EIPR1: variants seen among roughly 807,000 people sequenced by gnomAD.
EIPR1 encodes the protein EARP complex and GARP complex interacting protein 1, also known as EARP and GARP complex-interacting protein 1.
Under a neutral mutation model 48.1 loss-of-function variants are expected in EIPR1, and 25 were observed. The ratio of observed to expected loss-of-function variants is 0.52; its 90% CI spans 0.38 to 0.73. The LOEUF is 0.73. Ranked by LOEUF, EIPR1 falls within the 30% of genes least tolerant of loss-of-function variation. EIPR1 has a pLI of 0.00. For missense variants in EIPR1, 415 were observed against 506.2 expected (o/e 0.82, Z 1.73); for synonymous variants, 204 against 201.9 (o/e 1.01, Z -0.09).
At chr2:3,327,658 C>G (rs1384461550) in intron 3 of EIPR1, among the ~76,000 whole-genome samples, 1 of 152,136 alleles carries the variant, frequency 6.6e-6, no homozygotes, top group Non-Finnish European at 1.5e-5. Context: ...TAGTGAAAAT[C>G]CCAAATATGA....
intron 3 of EIPR1, among the ~76,000 whole-genome samples, chr2:3,265,851 T>C (rs955224000): frequency 6.6e-6 from 1 of 152,220 alleles, no homozygotes. Context: ...CTTTTCCAAG[T>C]TCAAACAGCT....
intron 5 of EIPR1, among the ~76,000 whole-genome samples, chr2:3,203,308 T>G (rs545159779): frequency 6.6e-6 from 1 of 152,362 alleles, no homozygotes; most frequent in African/African-American, 2.4e-5. Flanking sequence ...TTCATGAGGC[T>G]TAGGAACTGC....
chr2:3,303,169 G>C (rs1484620797), intron 3 of EIPR1, among the ~76,000 whole-genome samples: 1 of 152,210 alleles, frequency 6.6e-6, no homozygotes, highest in East Asian at 1.9e-4. Flanking sequence ...TGCACTTTTA[G>C]TTGCAATTCA....
At chr2:3,298,522 T>C (rs1253351758) in intron 3 of EIPR1, 1 of 152,116 alleles carries the variant, frequency 6.6e-6, no homozygotes, top group Non-Finnish European at 1.5e-5. Flanking sequence ...TGATAGTATC[T>C]AGGATCTTAC....
intron 1 of EIPR1, among the ~76,000 whole-genome samples, chr2:3,358,442 C>T (rs1353996288): frequency 6.6e-6 from 1 of 152,204 alleles, no homozygotes; most frequent in Non-Finnish European, 1.5e-5. Flanking sequence ...CGAGAATACA[C>T]ATGTCTAGAG....
chr2:3,193,642 G>A (rs927836820), intron 7 of EIPR1, among the ~76,000 whole-genome samples: 2 of 152,180 alleles, frequency 1.3e-5, no homozygotes, highest in African/African-American at 2.4e-5. Flanking sequence ...TCCACTGCAC[G>A]GATGTCACCT....
At chr2:3,202,782 G>A (rs145738987) in intron 5 of EIPR1, among the ~76,000 whole-genome samples, 317 of 152,294 alleles carry the variant, frequency 2.1e-3, no homozygotes, top group Non-Finnish European at 2.4e-3. Flanking sequence ...CACCGCTTGC[G>A]TCCAAAACCC....
At chr2:3,336,753 G>A (rs1209198160) in intron 3 of EIPR1, among the ~76,000 whole-genome samples, 1 of 111,596 alleles carries the variant, frequency 9.0e-6, no homozygotes. Flanking sequence ...GGGCGACAGA[G>A]TGAGACTCTG....
intron 1 of EIPR1, among the ~76,000 whole-genome samples, chr2:3,371,823 C>T (rs535044767): frequency 6.6e-5 from 10 of 152,238 alleles, no homozygotes; most frequent in South Asian, 4.1e-4. Context: ...GACAGATCAA[C>T]GACACAGAAA....
intron 2 of EIPR1, among the ~76,000 whole-genome samples, chr2:3,345,917 T>C (rs1670386506): frequency 3.3e-5 from 5 of 152,176 alleles, no homozygotes; most frequent in Admixed American, 3.3e-4. Context: ...TGCACACATA[T>C]GACTTGCTCT....
At chr2:3,245,209 C>T (rs1437641371) in intron 4 of EIPR1, among the ~76,000 whole-genome samples, 2 of 151,348 alleles carry the variant, frequency 1.3e-5, no homozygotes, top group African/African-American at 4.9e-5. Flanking sequence ...CGTTGCGTTG[C>T]ATTGCATTGT....
At position 3,304,118 on chromosome 2, in the gene EIPR1, C is replaced by T. The variant is rs1020770744; in HGVS notation, c.259+33899G>A. 3.9e-5 allele frequency among the ~76,000 whole-genome samples: 6 copies of T among 152,218 alleles called. No homozygotes were observed. The East Asian group carries it at 9.6e-4, about 24-fold the overall frequency. The stretch of plus-strand genomic sequence containing the variant: ...AAGGATCCATCTGAAGGGCTGGAAA[C>T]GCCCAGGCACGCGGACAGGCAGCGG... On this transcript the variant is annotated intron_variant, in intron 3 of 8. Transcript: ENST00000382125.
At chr2:3,375,743 G>A (rs55951017) in intron 1 of EIPR1, among the ~76,000 whole-genome samples, 24,596 of 152,112 alleles carry the variant, frequency 0.16, 2,228 homozygotes, top group Non-Finnish European at 0.21. Context: ...TTCTCTCTGA[G>A]GCTGTCTCTT....
intron 4 of EIPR1, among the ~76,000 whole-genome samples, chr2:3,251,183 C>T (rs1666991330): frequency 6.6e-6 from 1 of 152,208 alleles, no homozygotes; most frequent in African/African-American, 2.4e-5. Flanking sequence ...GGGAACTCAT[C>T]TGAATGATTT....
chr2:3,226,301 A>T (rs1443548911), intron 4 of EIPR1, among the ~76,000 whole-genome samples: 1 of 152,160 alleles, frequency 6.6e-6, no homozygotes, highest in African/African-American at 2.4e-5. Flanking sequence ...TGTCTTTTTC[A>T]TACTGGCCAT....
At chr2:3,349,995 G>A (rs575881777) in intron 2 of EIPR1, among the ~76,000 whole-genome samples, 2 of 152,036 alleles carry the variant, frequency 1.3e-5, no homozygotes, top group East Asian at 3.9e-4. Flanking sequence ...GTGGTGGCCT[G>A]TGCCTGTAAT....
chr2:3,330,594 C>A (rs894363276), intron 3 of EIPR1, among the ~76,000 whole-genome samples: 1 of 150,976 alleles, frequency 6.6e-6, no homozygotes. Flanking sequence ...TGAGCAGAGG[C>A]AGGTATGCAC....
intron 3 of EIPR1, among the ~76,000 whole-genome samples, chr2:3,304,838 C>G (rs1668873501): frequency 6.6e-6 from 1 of 150,386 alleles, no homozygotes; most frequent in Non-Finnish European, 1.5e-5. Context: ...GCCCTCCAGT[C>G]CCGTCCAGTT....
chr2:3,200,594 G>A (rs1664996232), intron 5 of EIPR1, among the ~76,000 whole-genome samples: 1 of 152,040 alleles, frequency 6.6e-6, no homozygotes. Flanking sequence ...GGAGGTGGGA[G>A]CAGCCGCCAC....
Sources: allele counts gnomAD v4.1 joint callset (sites outside exome capture counted in the v4.1 genomes callset), GRCh38; gene constraint gnomAD v4.1.1; transcripts MANE v1.5; gene names NCBI Gene and HGNC (gene_info 2026-07-23, HGNC 2026-07-21).